PPP2R5C: variants seen among roughly 807,000 people sequenced by gnomAD.
PPP2R5C encodes the protein protein phosphatase 2 regulatory subunit B'gamma.
PPP2R5C carries 7 observed loss-of-function variants against 68.9 expected under a neutral mutation model. The observed-to-expected ratio is 0.10, with a 90% CI of 0.06 to 0.19. The LOEUF (loss-of-function observed/expected upper bound fraction) is 0.19, where lower values mean the gene tolerates loss of function less well. Among genes scored for constraint, PPP2R5C ranks in the 10% least tolerant of loss-of-function variants. The pLI is 1.00. For missense variants in PPP2R5C, 348 were observed against 641.3 expected, an observed-to-expected ratio of 0.54 and a Z score of 4.94; for synonymous variants, 210 against 222.2, an observed-to-expected ratio of 0.95 and a Z score of 0.49.
At chr14:101,863,624 C>T (rs955981955) in intron 2 of PPP2R5C, among the ~76,000 whole-genome samples, 1 of 152,028 alleles carries the variant, frequency 6.6e-6, no homozygotes, top group Non-Finnish European at 1.5e-5. Flanking sequence ...TGGCCAGGTA[C>T]GGTGGCTCAC....
intron 3 of PPP2R5C, among the ~76,000 whole-genome samples, chr14:101,788,540 G>A (rs980210335): frequency 7.9e-5 from 12 of 152,074 alleles, no homozygotes; most frequent in African/African-American, 2.2e-4. Context: ...CTCAACCTCC[G>A]TTTCCTTCGT....
chr14:101,901,143 G>A (rs763406033), intron 8 of PPP2R5C, among the ~76,000 whole-genome samples: 8 of 152,246 alleles, frequency 5.3e-5, no homozygotes, highest in Non-Finnish European at 1.0e-4. Context: ...GAAATGGGTT[G>A]TGTACACGTG....
At position 101,794,324 on chromosome 14, in the gene PPP2R5C, A is replaced by T. The variant is rs530145420; in HGVS notation, c.259+8141A>T. Among the ~76,000 whole-genome samples, 1,140 of 152,350 alleles carry T rather than the reference A, an allele frequency of 7.5e-3. 20 individuals carry two copies. Among genetic ancestry groups the T allele is most frequent in the African/African-American group, 0.026 (1,071 of 41,580 alleles). Reference sequence around the variant, plus strand: ...ATTCTCTTAAACAGTTCCCAAAAACAATATTGATATTACTGCAAACAGTTG... The same window carrying T: ...ATTCTCTTAAACAGTTCCCAAAAACTATATTGATATTACTGCAAACAGTTG... On this transcript the variant is annotated intron_variant, in intron 3 of 14. Transcript: ENST00000328724.
chr14:101,865,290 C>G (rs1448113613), intron 2 of PPP2R5C, among the ~76,000 whole-genome samples: 1 of 152,250 alleles, frequency 6.6e-6, no homozygotes, highest in Non-Finnish European at 1.5e-5. Flanking sequence ...GTCACAGGGA[C>G]AGCTTTTCCT....
At chr14:101,769,501 T>TA (rs1355854395) in intron 2 of PPP2R5C, among the ~76,000 whole-genome samples, 2 of 152,202 alleles carry the variant, frequency 1.3e-5, no homozygotes, top group African/African-American at 2.4e-5. Context: ...GCAACAACAA[T>TA]AAAAAACTTG....
intron 8 of PPP2R5C, among the ~76,000 whole-genome samples, chr14:101,898,108 T>A (rs1046426456): frequency 6.6e-6 from 1 of 152,128 alleles, no homozygotes; most frequent in African/African-American, 2.4e-5. Flanking sequence ...TGCAGTGAGC[T>A]ATGAACGCAC....
chr14:101,764,276 A>G (rs983111431), intron 2 of PPP2R5C, among the ~76,000 whole-genome samples: 6 of 152,258 alleles, frequency 3.9e-5, no homozygotes, highest in Non-Finnish European at 7.3e-5. Context: ...GCGTGGACCC[A>G]GGCAGAGCCA....
chr14:101,883,355 G>C lies in PPP2R5C; in HGVS notation c.498+6G>C. 6.2e-7 allele frequency: 1 copy of C among 1,605,682 alleles called. No individual in the cohort carries two copies. Among genetic ancestry groups the C allele is most frequent in the Non-Finnish European group, 8.5e-7 (1 of 1,176,254 alleles). ...ATCAGAAGTTTGTATTGCAGGTAAG[G>C]TACAAATTAGCTGACACTCTGAAAG... On this transcript the variant is annotated splice_donor_region_variant and intron_variant, in intron 4 of 13. Transcript: ENST00000334743.
chr14:101,819,268 C>T (rs1055436065), intron 1 of PPP2R5C: 17 of 569,020 alleles, frequency 3.0e-5, no homozygotes, highest in Non-Finnish European at 4.7e-5. Context: ...TTGCATGGAG[C>T]AGTGTTCACC....
In PPP2R5C at chr14:101,771,222, C is replaced by CTGTGTGTGTGT. The variant is rs373554849; in HGVS notation, c.93+8252_93+8253insTGTGTGTGTGT. Among the ~76,000 whole-genome samples, 3 of 135,490 alleles carry CTGTGTGTGTGT rather than the reference C, an allele frequency of 2.2e-5. No homozygotes were observed. In the East Asian group the frequency reaches 6.9e-4, roughly 31 times the overall value. 88.9% of individuals were successfully genotyped at this position (135,490 alleles called of 152,430 possible). On this transcript the variant is annotated intron_variant, in intron 2 of 14. Coordinates refer to the PPP2R5C transcript ENST00000328724. ...AGGGCATTTGGCTTTTTCTTCATCT[C>CTGTGTGTGTGT]GTGTGTGTGTGTGTGTGTGTGTGTG...
rs1170227582 is a variant in PPP2R5C at position 101,877,965 on chromosome 14, T to C, written c.295-4196T>C. Among the ~76,000 whole-genome samples, 3 of 152,200 alleles carry C rather than the reference T, an allele frequency of 2.0e-5. No individual in the cohort carries two copies. The highest frequency in any genetic ancestry group is 2.0e-4 in the Admixed American group (3 of 15,284). On this transcript the variant is annotated intron_variant, in intron 2 of 13. Coordinates refer to ENST00000334743, the Ensembl canonical transcript of PPP2R5C. The surrounding 1 kb of genome is among the most constrained non-coding windows in gnomAD (Gnocchi z 4.2). ...GCCGTAAGAAAATACCACAGGCTGG[T>C]GGCTTAAACCACAGAAATGTGTCTT...
intron 3 of PPP2R5C, 130 bp downstream of exon 3, chr14:101,786,313 G>A (rs1478673143): frequency 2.5e-5 from 14 of 549,806 alleles, no homozygotes; most frequent in Admixed American, 4.5e-5. Flanking sequence ...GTATTGAGGG[G>A]TTTTTTTTTT....
Position 101,882,321 on chromosome 14 carries a change from A to G in PPP2R5C, c.405+50A>G, listed in dbSNP as rs1236797190. 1.4e-6 allele frequency: 2 copies of G among 1,431,994 alleles called. No homozygotes were observed. Among genetic ancestry groups the G allele is most frequent in the South Asian group, 1.3e-5 (1 of 79,594 alleles). The allele number at this position is 1,431,994 out of a possible 1,614,324, so 88.7% of individuals were successfully genotyped here. ...CGGAGGGCACTGGTGACACATGGGAATGGCCTGGGATCCACAGAGCGGGCG... is the reference window on the plus strand; with the variant it reads ...CGGAGGGCACTGGTGACACATGGGAGTGGCCTGGGATCCACAGAGCGGGCG... On this transcript the variant is annotated intron_variant, in intron 3 of 13. Coordinates refer to ENST00000334743, the Ensembl canonical transcript of PPP2R5C. This position sits in a 1 kb window ranked among gnomAD's most constrained non-coding sequence, Gnocchi z 4.9.
intron 2 of PPP2R5C, among the ~76,000 whole-genome samples, chr14:101,863,412 T>C (rs553234130): frequency 6.6e-6 from 1 of 152,232 alleles, no homozygotes; most frequent in East Asian, 1.9e-4. Flanking sequence ...ATTTTTTTTT[T>C]AATTTCTGTG....
intron 1 of PPP2R5C, chr14:101,839,648 T>A (rs1291875205): frequency 1.3e-5 from 2 of 152,256 alleles, no homozygotes; most frequent in African/African-American, 4.8e-5. Context: ...CTCAGATAAA[T>A]GTATTCCATC....
intron 2 of PPP2R5C, among the ~76,000 whole-genome samples, chr14:101,858,457 A>G (rs1261416404): frequency 6.6e-6 from 1 of 151,600 alleles, no homozygotes; most frequent in East Asian, 1.9e-4. Flanking sequence ...TCAAGCGTTT[A>G]TCATTTCTTT....
rs747412172 is a variant in PPP2R5C, at chr14:101,920,954, ATCAGTTGAATCAATTGAAT to A, written c.1443+3018_1443+3036del. The A allele has an allele frequency of 1.4e-3, 225 of 161,346 alleles. 1 individual carries two copies. Among genetic ancestry groups the A allele is most frequent in the Non-Finnish European group, 1.1e-3 (78 of 73,862 alleles). The allele number at this position is 161,346 out of a possible 1,614,324, so 10.0% of individuals were successfully genotyped here. ...CCTGACTCCTTGTAGATTTCTGTGG[ATCAGTTGAATCAATTGAAT>A]TCAGTTGAATTCAACCTATCCAGAT... is the stretch of plus-strand genomic sequence containing the variant. On this transcript the variant is annotated intron_variant, in intron 13 of 13. Transcript: ENST00000334743.
At chr14:101,761,500 G>A (rs1442344924), upstream of PPP2R5C, among the ~76,000 whole-genome samples, 2 of 150,508 alleles carry the variant, frequency 1.3e-5, no homozygotes, top group African/African-American at 4.9e-5. Flanking sequence ...GGAGAGGGTG[G>A]GGGGAGCGGG....
Position 101,906,216 on chromosome 14 carries a change from T to G in PPP2R5C, c.1024-186T>G, listed in dbSNP as rs2046013095. Among the ~76,000 whole-genome samples the G allele has an allele frequency of 6.6e-6, 1 of 152,152 alleles. No individual in the cohort carries two copies. The highest frequency in any genetic ancestry group is 6.5e-5 in the Admixed American group (1 of 15,290). On this transcript the variant is annotated intron_variant, in intron 9 of 13. Transcript: ENST00000334743. This position sits in a 1 kb window ranked among gnomAD's most constrained non-coding sequence, Gnocchi z 4.0. ...TGATGAGTTGATGTACAAGAAGTTG[T>G]CTGCCTCTTTGTTGAAGGCTCTTCA...
Sources: gnomAD v4.1 joint callset for allele counts (sites outside exome capture counted in the v4.1 genomes callset) on GRCh38, gnomAD v4.1.1 for gene constraint, Gnocchi (gnomAD v3.1) non-coding constraint, MANE v1.5 for transcripts, NCBI Gene and HGNC (gene_info 2026-07-23, HGNC 2026-07-21) for gene names.